The following KIF3B variants were observed in gnomAD, a reference collection of about 807,000 sequenced individuals.
KIF3B encodes kinesin-like protein KIF3B.
Under a neutral mutation model 74.3 loss-of-function variants are expected in KIF3B, and 38 were observed. The observed-to-expected ratio is 0.51, with a 90% confidence interval of 0.39 to 0.67. The LOEUF (loss-of-function observed/expected upper bound fraction) is 0.67, where lower values mean the gene tolerates loss of function less well. Ranked by LOEUF, KIF3B falls within the 30% of genes least tolerant of loss-of-function variation. The pLI, the probability that KIF3B is intolerant of heterozygous loss-of-function variation, is 0.00. For synonymous variants in KIF3B, 326 were observed against 342.5 expected (o/e 0.95, Z 0.53); for missense variants, 649 against 932.0 (o/e 0.70, Z 3.95).
At chr20:32,290,392 A>C (rs900186979) in intron 1 of KIF3B, among the ~76,000 whole-genome samples, 3 of 151,780 alleles carry the variant, frequency 2.0e-5, no homozygotes, top group Admixed American at 6.6e-5. Flanking sequence ...AAAACAAACA[A>C]ACAAAACTAG....
At chr20:32,326,907 T>C (rs966149319) in intron 6 of KIF3B, 23 bp downstream of exon 6, 2 of 1,111,230 alleles carry the variant, frequency 1.8e-6, no homozygotes, top group Admixed American at 4.2e-5. Flanking sequence ...TAACTTCAAG[T>C]ATATTTTCAA....
intron 2 of KIF3B, among the ~76,000 whole-genome samples, chr20:32,313,844 C>G (rs2047813564): frequency 6.6e-6 from 1 of 152,104 alleles, no homozygotes; most frequent in Non-Finnish European, 1.5e-5. Context: ...GTATCTGGGA[C>G]TACAGGTGTG....
In KIF3B at chr20:32,310,741, T is replaced by C. The variant is rs761696861; in HGVS notation, c.964T>C (p.Tyr322His). 1.2e-6 allele frequency: 2 copies of C among 1,614,146 alleles called. No individual in the cohort carries two copies. The highest frequency in any genetic ancestry group is 3.3e-5 in the Admixed American group (2 of 60,006). Residue 322 changes from tyrosine to histidine, a missense_variant, in exon 2 of 9, where the codon TAC (tyrosine) becomes CAC (histidine). By Grantham distance (83) the Tyr-to-His change is moderately conservative. This residue lies in a region of KIF3B where 363 missense variants were observed against 592.8 expected (regional missense o/e 0.61). Coordinates refer to ENST00000375712, the MANE Select transcript of KIF3B (RefSeq NM_004798.4). The surrounding 1 kb of genome is among the most constrained non-coding windows in gnomAD (Gnocchi z 6.5). ...GGTGGCCAACGTGGGGCCTGCCTCT[T>C]ACAACGTAGAAGAGACTCTGACCAC... ...VMVANVGPAS[Y>H]NVEETLTTLR...
chr20:32,280,298 T>A (rs1226494630), intron 1 of KIF3B, among the ~76,000 whole-genome samples: 1 of 152,156 alleles, frequency 6.6e-6, no homozygotes, highest in Non-Finnish European at 1.5e-5. Context: ...TAATACCAGG[T>A]CCGTCAACCA....
rs1210227834 is a variant in KIF3B at position 32,325,713 on chromosome 20, G to A, written c.1749-1058G>A. ...GACAGAGTTTTGCTCTTTGGCCCAG[G>A]CCAGAGTGCAGTGGTGTGATCTCGG... On this transcript the variant is annotated intron_variant, in intron 5 of 8. Coordinates refer to ENST00000375712, the MANE Select transcript of KIF3B (RefSeq NM_004798.4). Among the ~76,000 whole-genome samples the A allele has an allele frequency of 3.2e-5, 4 of 123,790 alleles. No individual in the cohort carries two copies. In the Admixed American group the frequency reaches 4.2e-4, roughly 13 times the overall value. The allele number at this position is 123,790 out of a possible 152,430, so 81.2% of individuals were successfully genotyped here.
At position 32,322,760 on chromosome 20, in the gene KIF3B, A is replaced by ATATATTTATATATATATT. The variant is rs1166483291; in HGVS notation, c.1749-4006_1749-4005insTTATATATATATTTATAT. Among the ~76,000 whole-genome samples the ATATATTTATATATATATT allele has an allele frequency of 3.2e-4, 15 of 46,676 alleles. 1 individual carries two copies. The highest frequency in any genetic ancestry group is 2.0e-3 in the African/African-American group (15 of 7,404). 30.6% of individuals were successfully genotyped at this position (46,676 alleles called of 152,430 possible). On this transcript the variant is annotated intron_variant, in intron 5 of 8. Coordinates refer to ENST00000375712, the MANE Select transcript of KIF3B (RefSeq NM_004798.4). ...TATATATTTATTTATATATATATTTATATATATTTATATATATATTTATAT... is the reference window on the plus strand; with the variant it reads ...TATATATTTATTTATATATATATTTATATATTTATATATATATTTATATATTTATATATATATTTATAT...
rs1272924482 is a variant in KIF3B, at chr20:32,327,634, G to A, written c.1941G>A (p.Met647Ile). Residue 647 changes from methionine to isoleucine, a missense_variant, in exon 7 of 9, where the codon ATG becomes ATA. Physicochemically the swap from Met to Ile is conservative, Grantham distance 10 (BLOSUM62 1). Transcript: ENST00000375712. ...RPLSQHARMSMMIRPEARYRA... is the reference protein window; with the variant it reads ...RPLSQHARMSIMIRPEARYRA... ...TGAGCCAGCACGCAAGAATGTCCAT[G>A]ATGATTCGTCCAGAGGCCCGATATA... 6.8e-6 allele frequency: 11 copies of A among 1,613,226 alleles called. No homozygotes were observed. Among genetic ancestry groups the A allele is most frequent in the African/African-American group, 1.3e-5 (1 of 74,870 alleles).
chr20:32,284,294 A>G (rs535741573), intron 1 of KIF3B, among the ~76,000 whole-genome samples: 4 of 152,238 alleles, frequency 2.6e-5, no homozygotes, highest in East Asian at 1.9e-4. Flanking sequence ...GTGCATTCTC[A>G]TTTACTAATT....
chr20:32,322,763 TATATTTATATATATATTTATATA>T (rs2047872015), intron 5 of KIF3B, among the ~76,000 whole-genome samples: 1 of 50,472 alleles, frequency 2.0e-5, no homozygotes, highest in African/African-American at 1.4e-4. Context: ...TATATTTATA[TATATTTATATATATATTTATATA>T]TATTTATATA....
intron 2 of KIF3B, among the ~76,000 whole-genome samples, chr20:32,313,870 C>G (rs1479075946): frequency 6.6e-6 from 1 of 152,048 alleles, no homozygotes; most frequent in Non-Finnish European, 1.5e-5. Context: ...CCATGCCCAG[C>G]TAATTTTGTT....
rs79821422 is a variant in KIF3B, at chr20:32,311,136, G to C, written c.1359G>C (p.Leu453=). 2 of 1,612,788 alleles carry C rather than the reference G, an allele frequency of 1.2e-6. No individual in the cohort carries two copies. Among genetic ancestry groups the C allele is most frequent in the East Asian group, 4.5e-5 (2 of 44,856 alleles). ...AGAAAGAGAAAAAGATGGAGGACCT[G>C]CGGCGGGAGAAGGATGCTGCCGAGA... ...LKEKEKKMED[L]RREKDAAEML... The change falls in exon 2 of 9, where the codon CTG becomes CTC. Residue 453 remains leucine (L), a synonymous_variant. Transcript: ENST00000375712.
chr20:32,320,224 T>C (rs934323508), intron 5 of KIF3B, among the ~76,000 whole-genome samples: 2 of 152,108 alleles, frequency 1.3e-5, no homozygotes, highest in African/African-American at 4.8e-5. Context: ...TATTAATATA[T>C]TATGAATACC....
At chr20:32,299,039 T>C (rs534744012) in intron 1 of KIF3B, among the ~76,000 whole-genome samples, 4 of 152,260 alleles carry the variant, frequency 2.6e-5, no homozygotes, top group African/African-American at 9.6e-5. Context: ...TTCCTAATCG[T>C]AACTGTCACT....
chr20:32,307,693 A>G (rs1217063803), intron 1 of KIF3B, among the ~76,000 whole-genome samples: 7 of 152,020 alleles, frequency 4.6e-5, no homozygotes, highest in Admixed American at 4.6e-4. Context: ...TTTTTTTGGG[A>G]GGCCGAGGTG....
chr20:32,300,849 T>C (rs991536215), intron 1 of KIF3B, among the ~76,000 whole-genome samples: 9 of 149,800 alleles, frequency 6.0e-5, no homozygotes, highest in Admixed American at 4.9e-4. Flanking sequence ...TTTGTTGTTG[T>C]TGTTGTTGTT....
chr20:32,299,328 C>T (rs1217544549), intron 1 of KIF3B, among the ~76,000 whole-genome samples: 1 of 140,336 alleles, frequency 7.1e-6, no homozygotes, highest in African/African-American at 2.7e-5. Flanking sequence ...AATTTGCTGA[C>T]CTCTGCTCTA....
chr20:32,299,379 GTATATATATA>G (rs1555895040), intron 1 of KIF3B, among the ~76,000 whole-genome samples: 45 of 23,092 alleles, frequency 1.9e-3, no homozygotes, highest in East Asian at 0.015. Context: ...TGGTGTGTGT[GTATATATATA>G]TATATATATA....
chr20:32,279,286 A>T (rs1471824932), intron 1 of KIF3B, among the ~76,000 whole-genome samples: 3 of 151,974 alleles, frequency 2.0e-5, no homozygotes, highest in Non-Finnish European at 2.9e-5. Flanking sequence ...TAAATCCTGT[A>T]TTTTATCCCC....
Position 32,310,395 on chromosome 20 carries a change from C to T in KIF3B, c.618C>T (p.Thr206=), listed in dbSNP as rs753966350. The T allele has an allele frequency of 6.2e-7, 1 of 1,614,198 alleles. No homozygotes were observed. The highest frequency in any genetic ancestry group is 8.5e-7 in the Non-Finnish European group (1 of 1,180,042). The change falls in exon 2 of 9, where the codon ACC becomes ACT. Residue 206 remains threonine (T), a synonymous_variant. Coordinates refer to ENST00000375712, the MANE Select transcript of KIF3B (RefSeq NM_004798.4). The surrounding 1 kb of genome is among the most constrained non-coding windows in gnomAD (Gnocchi z 6.5). ...VGNQNRSVGA[T]NMNEHSSRSH... is the part of the protein sequence containing the mutation. ...ACCAGAACCGTTCTGTCGGTGCTAC[C>T]AACATGAACGAGCACAGCTCGCGTT...
Sources: allele counts gnomAD v4.1 joint callset (sites outside exome capture counted in the v4.1 genomes callset), GRCh38; gene constraint gnomAD v4.1.1; regional missense constraint gnomAD v4.1.1; non-coding constraint Gnocchi (gnomAD v3.1); transcripts MANE v1.5; gene names NCBI Gene and HGNC (gene_info 2026-07-23, HGNC 2026-07-21).